TRPM3: variants seen among roughly 807,000 people sequenced by gnomAD.
The protein encoded by TRPM3 is transient receptor potential cation channel subfamily M member 3, also known as long transient receptor potential channel 3.
Under a neutral mutation model 181.2 loss-of-function variants are expected in TRPM3, and 77 were observed. The observed-to-expected ratio is 0.42, with a 90% CI of 0.35 to 0.51. The LOEUF (loss-of-function observed/expected upper bound fraction) is 0.51, where lower values mean the gene tolerates loss of function less well. Ranked by LOEUF, TRPM3 falls within the 20% of genes least tolerant of loss-of-function variation. The pLI, the probability that TRPM3 is intolerant of heterozygous loss-of-function variation, is 0.01. For synonymous variants in TRPM3, 745 were observed against 796.4 expected, an observed-to-expected ratio of 0.94 and a Z score of 1.09; for missense variants, 1,759 against 2,196.7, an observed-to-expected ratio of 0.80 and a Z score of 3.98.
chr9:71,208,206 C>T (rs1356285655), intron 1 of TRPM3, among the ~76,000 whole-genome samples: 2 of 152,100 alleles, frequency 1.3e-5, no homozygotes, highest in East Asian at 3.9e-4. Flanking sequence ...ATCTAGCATA[C>T]CTGCCTGATA....
chr9:71,346,860 G>A (rs945719221), intron 1 of TRPM3, among the ~76,000 whole-genome samples: 5 of 143,762 alleles, frequency 3.5e-5, no homozygotes, highest in East Asian at 2.1e-4. Context: ...TGAGGATCAC[G>A]ACAGAGAATC....
intron 6 of TRPM3, 124 bp downstream of exon 6, chr9:70,827,723 G>C: frequency 8.1e-7 from 1 of 1,235,932 alleles, no homozygotes; most frequent in Non-Finnish European, 1.1e-6. Context: ...TGGCCCGGTA[G>C]AAATAATGGT....
At chr9:71,131,475 C>T (rs890885939) in intron 1 of TRPM3, among the ~76,000 whole-genome samples, 2 of 152,174 alleles carry the variant, frequency 1.3e-5, no homozygotes, top group African/African-American at 2.4e-5. Context: ...GACTGTATCC[C>T]AGATCCTTGC....
intron 9 of TRPM3, among the ~76,000 whole-genome samples, chr9:70,674,897 C>T (rs2063698376): frequency 6.6e-6 from 1 of 151,320 alleles, no homozygotes; most frequent in Admixed American, 6.6e-5. Flanking sequence ...ATTTATCTAC[C>T]TTTAAGTTTA....
At chr9:71,312,006 T>C (rs2087994196) in intron 1 of TRPM3, among the ~76,000 whole-genome samples, 1 of 152,128 alleles carries the variant, frequency 6.6e-6, no homozygotes, top group Non-Finnish European at 1.5e-5. Context: ...GTCTTGGGTA[T>C]GGTGGTGACC....
chr9:70,982,582 A>G (rs963002088), intron 1 of TRPM3, among the ~76,000 whole-genome samples: 7 of 152,188 alleles, frequency 4.6e-5, no homozygotes, highest in African/African-American at 1.4e-4. Flanking sequence ...CAACGTTTAA[A>G]TATGTGCAGA....
At chr9:70,818,870 T>G (rs1417629701) in intron 6 of TRPM3, among the ~76,000 whole-genome samples, 1 of 152,200 alleles carries the variant, frequency 6.6e-6, no homozygotes, top group African/African-American at 2.4e-5. Context: ...CAATAGCAAG[T>G]GGCATTAGGA....
At chr9:70,958,435 A>C (rs1258539654) in intron 1 of TRPM3, among the ~76,000 whole-genome samples, 3 of 152,154 alleles carry the variant, frequency 2.0e-5, no homozygotes, top group Non-Finnish European at 4.4e-5. Flanking sequence ...CATCCTCTCC[A>C]GCACCTGTTG....
intron 12 of TRPM3, among the ~76,000 whole-genome samples, chr9:70,627,519 C>T (rs1239203468): frequency 6.6e-6 from 1 of 151,824 alleles, no homozygotes; most frequent in African/African-American, 2.4e-5. Flanking sequence ...GTGATCCTCC[C>T]GCCTCGGCCT....
intron 1 of TRPM3, among the ~76,000 whole-genome samples, chr9:71,426,527 C>T (rs1347752481): frequency 6.6e-6 from 1 of 152,104 alleles, no homozygotes. Context: ...TTCTGAAACT[C>T]TCTTGATTAT....
At chr9:70,894,154 C>T (rs986244060) in intron 1 of TRPM3, among the ~76,000 whole-genome samples, 1 of 152,102 alleles carries the variant, frequency 6.6e-6, no homozygotes, top group Non-Finnish European at 1.5e-5. Context: ...TGTTGAGCTA[C>T]AAAGATGCAA....
At chr9:70,777,048 GTT>G in intron 7 of TRPM3, among the ~76,000 whole-genome samples, 1 of 152,098 alleles carries the variant, frequency 6.6e-6, no homozygotes, top group South Asian at 2.1e-4. Flanking sequence ...TGTTGTTGTT[GTT>G]GTTAAACAAG....
chr9:70,547,370 C>A (rs530232252), intron 25 of TRPM3, among the ~76,000 whole-genome samples: 230 of 152,090 alleles, frequency 1.5e-3, no homozygotes, highest in African/African-American at 5.4e-3. Flanking sequence ...ATTTCACCTG[C>A]CACTCCACTC....
chr9:70,751,565 G>A (rs11142567), intron 8 of TRPM3, among the ~76,000 whole-genome samples: 23,071 of 152,066 alleles, frequency 0.15, 2,332 homozygotes, highest in East Asian at 0.39. Context: ...TCCACATTAT[G>A]GATGAAAGTA....
chr9:71,384,047 G>A (rs1209265122), intron 1 of TRPM3, among the ~76,000 whole-genome samples: 2 of 152,154 alleles, frequency 1.3e-5, no homozygotes, highest in Non-Finnish European at 1.5e-5. Flanking sequence ...ATTCCATGAC[G>A]CTGTAATAAA....
At chr9:70,845,905 A>G (rs931292894) in intron 4 of TRPM3, among the ~76,000 whole-genome samples, 2 of 152,224 alleles carry the variant, frequency 1.3e-5, no homozygotes, top group African/African-American at 4.8e-5. Flanking sequence ...CACAGTGAGG[A>G]GTTAATAAAA....
chr9:70,657,198 TAA>T (rs3073513), intron 9 of TRPM3, among the ~76,000 whole-genome samples: 23,505 of 117,072 alleles, frequency 0.2, 2,165 homozygotes, highest in East Asian at 0.41. Flanking sequence ...GGGCTTGAGG[TAA>T]AAAAAAAAAA....
intron 1 of TRPM3, among the ~76,000 whole-genome samples, chr9:71,061,365 G>T (rs2061317197): frequency 6.6e-6 from 1 of 152,136 alleles, no homozygotes; most frequent in Non-Finnish European, 1.5e-5. Context: ...CATGGGGTTT[G>T]TGTGGTGTGG....
At chr9:71,237,044 CAAAA>C (rs33929941) in intron 1 of TRPM3, among the ~76,000 whole-genome samples, 2 of 92,810 alleles carry the variant, frequency 2.2e-5, no homozygotes, top group Non-Finnish European at 2.0e-5. Context: ...AAGACTCCAT[CAAAA>C]AAAAAAAAAA....
Sources: allele counts gnomAD v4.1 joint callset (sites outside exome capture counted in the v4.1 genomes callset), GRCh38; gene constraint gnomAD v4.1.1; transcripts MANE v1.5; gene names NCBI Gene and HGNC (gene_info 2026-07-23, HGNC 2026-07-21).